The following FLACC1 variants were observed in gnomAD, a reference collection of about 807,000 sequenced individuals.
FLACC1 encodes flagellum-associated coiled-coil domain-containing protein 1.
A neutral mutation model predicts 62.8 loss-of-function variants in FLACC1; 66 were observed. The observed-to-expected ratio is 1.05, with a 90% confidence interval of 0.86 to 1.29. The LOEUF is 1.29. Among genes scored for constraint, FLACC1 ranks in the 50% most tolerant of loss-of-function variants. The pLI, the probability that FLACC1 is intolerant of heterozygous loss-of-function variation, is 0.00. For missense variants in FLACC1, 452 were observed against 489.1 expected (o/e 0.92, Z 0.71); for synonymous variants, 156 against 161.0 (o/e 0.97, Z 0.24).
intron 2 of FLACC1, 70 bp from the exon 3 acceptor site, chr2:201,350,852 A>C: frequency 7.4e-7 from 1 of 1,359,196 alleles, no homozygotes; most frequent in Non-Finnish European, 1.0e-6. Context: ...ACACTCCCAG[A>C]TTAAGTACAT....
At chr2:201,304,217 A>T (rs1950052969) in intron 11 of FLACC1, among the ~76,000 whole-genome samples, 1 of 152,240 alleles carries the variant, frequency 6.6e-6, no homozygotes, top group Non-Finnish European at 1.5e-5. Context: ...TAAGCTGATA[A>T]GCAACTTCAG....
At chr2:201,325,743 G>A (rs1196152560) in intron 9 of FLACC1, among the ~76,000 whole-genome samples, 1 of 152,098 alleles carries the variant, frequency 6.6e-6, no homozygotes, top group Admixed American at 6.5e-5. Flanking sequence ...TCCACCAGAT[G>A]TTCAATGAAG....
intron 7 of FLACC1, among the ~76,000 whole-genome samples, chr2:201,335,961 T>C (rs1303100741): frequency 6.6e-6 from 1 of 151,692 alleles, no homozygotes; most frequent in African/African-American, 2.4e-5. Context: ...TCTTAATTTC[T>C]TTTTTAGATA....
intron 9 of FLACC1, among the ~76,000 whole-genome samples, chr2:201,320,275 C>T (rs1368880058): frequency 6.6e-6 from 1 of 152,218 alleles, no homozygotes. Context: ...CGGATGAACT[C>T]CCTTGGCCAG....
At chr2:201,330,883 A>G in intron 7 of FLACC1, 50 bp from the exon 8 acceptor site, 1 of 1,504,784 alleles carries the variant, frequency 6.6e-7, no homozygotes, top group Non-Finnish European at 9.1e-7. Context: ...AGAAGTCCAG[A>G]GCTGAGCTGT....
intron 9 of FLACC1, among the ~76,000 whole-genome samples, chr2:201,317,001 C>G (rs186809919): frequency 4.6e-5 from 7 of 152,228 alleles, no homozygotes; most frequent in Admixed American, 4.6e-4. Flanking sequence ...ATCCAGCATG[C>G]TTTATGATTA....
chr2:201,355,303 A>G (rs1167656828), intron 1 of FLACC1, among the ~76,000 whole-genome samples: 1 of 152,170 alleles, frequency 6.6e-6, no homozygotes, highest in Non-Finnish European at 1.5e-5. Flanking sequence ...AATGAATAAA[A>G]CAAAAAACAA....
At chr2:201,329,989 T>A (rs1950560346) in intron 9 of FLACC1, among the ~76,000 whole-genome samples, 1 of 152,122 alleles carries the variant, frequency 6.6e-6, no homozygotes, top group African/African-American at 2.4e-5. Flanking sequence ...AAATGCCCAA[T>A]AATAGGGGAA....
chr2:201,354,351 A>G (rs1951080555), intron 1 of FLACC1, among the ~76,000 whole-genome samples: 1 of 152,132 alleles, frequency 6.6e-6, no homozygotes, highest in Non-Finnish European at 1.5e-5. Context: ...AAGGCAAGAG[A>G]CCTGGCCTTG....
chr2:201,307,602 AT>A lies in FLACC1; in HGVS notation c.795del (p.Lys265AsnfsTer13), dbSNP rs753453907. The A allele has an allele frequency of 5.8e-5, 93 of 1,613,934 alleles. 1 individual carries two copies. The African/African-American group carries it at 1.1e-3, about 19-fold the overall frequency. On this transcript the variant is annotated frameshift_variant, in exon 11 of 15. Coordinates refer to ENST00000392257, the MANE Select transcript of FLACC1 (RefSeq NM_001127391.3). LOFTEE classifies it high-confidence loss of function. ...LLQQKKKMTK[K>X]FEMESGEEDK... ...TCTTCTTCTCCTGACTCCATTTCGA[AT>A]TTTTTGGTCATCTTTTTTTCTGTGG...
chr2:201,292,163 G>T (rs1190200584), intron 12 of FLACC1, among the ~76,000 whole-genome samples: 1 of 152,146 alleles, frequency 6.6e-6, no homozygotes, highest in African/African-American at 2.4e-5. Context: ...TCAGATTCAG[G>T]AAATACAGAG....
intron 12 of FLACC1, 176 bp from the exon 13 acceptor site, chr2:201,289,961 T>A (rs1257383526): frequency 1.8e-6 from 2 of 1,115,436 alleles, no homozygotes; most frequent in Non-Finnish European, 2.6e-6. Context: ...TATATCCTTC[T>A]CTTCAGCCTC....
intron 9 of FLACC1, among the ~76,000 whole-genome samples, chr2:201,315,428 T>A (rs1233315711): frequency 2.0e-5 from 3 of 152,066 alleles, no homozygotes; most frequent in Non-Finnish European, 4.4e-5. Context: ...AAGACAAACT[T>A]TAAAGCAACA....
intron 11 of FLACC1, among the ~76,000 whole-genome samples, chr2:201,303,289 A>G (rs1297612113): frequency 3.3e-5 from 5 of 152,228 alleles, no homozygotes; most frequent in African/African-American, 4.8e-5. Flanking sequence ...CCATCAGAGA[A>G]TACTATAAAC....
At position 201,350,767 on chromosome 2, in the gene FLACC1, TAC is replaced by T; in HGVS notation, c.127_128del (p.Val43ThrfsTer31). The T allele has an allele frequency of 6.2e-7, 1 of 1,613,204 alleles. No homozygotes were observed. The highest frequency in any genetic ancestry group is 8.5e-7 in the Non-Finnish European group (1 of 1,179,232). ...GGTAATTGTGATTTTTTGGAGCTGG[TAC>T]AAGAGGAGTTAGCCTGAAAGTGAAA... ...STGSSKLTPLVPAPKNHNYLQ... is the reference protein window; with the variant it reads ...STGSSKLTPLXPAPKNHNYLQ... On this transcript the variant is annotated frameshift_variant, in exon 3 of 15. Transcript: ENST00000392257. LOFTEE classifies it high-confidence loss of function.
chr2:201,358,276 C>T (rs375623591), upstream of FLACC1, among the ~76,000 whole-genome samples: 2 of 152,094 alleles, frequency 1.3e-5, no homozygotes, highest in Non-Finnish European at 2.9e-5. Context: ...ACCCAGGCTG[C>T]GGTGCAGTGG....
chr2:201,298,269 A>C (rs1248636287), intron 12 of FLACC1, among the ~76,000 whole-genome samples: 1 of 152,218 alleles, frequency 6.6e-6, no homozygotes, highest in Non-Finnish European at 1.5e-5. Flanking sequence ...TGCCCAACGA[A>C]GCTTAAAAAG....
At chr2:201,359,169 GTGA>G (rs1375409961), upstream of FLACC1, among the ~76,000 whole-genome samples, 1 of 152,186 alleles carries the variant, frequency 6.6e-6, no homozygotes, top group Non-Finnish European at 1.5e-5. Context: ...AAAGGAGAAG[GTGA>G]TGATTCCTGG....
At chr2:201,291,755 G>A (rs986741461) in intron 12 of FLACC1, among the ~76,000 whole-genome samples, 1 of 152,312 alleles carries the variant, frequency 6.6e-6, no homozygotes, top group South Asian at 2.1e-4. Context: ...TCGAACTCAT[G>A]GCCAAGAAGT....
Sources: allele counts gnomAD v4.1 joint callset (sites outside exome capture counted in the v4.1 genomes callset), GRCh38; gene constraint gnomAD v4.1.1; transcripts MANE v1.5; gene names NCBI Gene and HGNC (gene_info 2026-07-23, HGNC 2026-07-21).